NBAS: variants seen among roughly 807,000 people sequenced by gnomAD.
NBAS encodes the protein NAG/BC035112 fusion.
Under a neutral mutation model 302.5 loss-of-function variants are expected in NBAS, and 219 were observed. The ratio of observed to expected loss-of-function variants is 0.72; its 90% confidence interval spans 0.65 to 0.81. NBAS has a LOEUF of 0.81. Ranked by LOEUF, NBAS falls within the 30% of genes least tolerant of loss-of-function variation. The pLI is 0.00. For missense variants in NBAS, 2,932 were observed against 2,841.6 expected, an observed-to-expected ratio of 1.03 and a Z score of -0.72; for synonymous variants, 1,118 against 1,021.6, an observed-to-expected ratio of 1.09 and a Z score of -1.80.
chr2:15,044,956 C>T, the NBAS span, among the ~76,000 whole-genome samples: 3 of 152,172 alleles, frequency 2.0e-5, no homozygotes, highest in Admixed American at 6.5e-5. Context: ...CACACAACAA[C>T]GAAATGTCAT....
At chr2:15,350,287 AAGTT>A (rs1167569515) in intron 35 of NBAS, among the ~76,000 whole-genome samples, 3 of 152,158 alleles carry the variant, frequency 2.0e-5, no homozygotes, top group Non-Finnish European at 4.4e-5. Flanking sequence ...GCAAAAAAAA[AAGTT>A]AGTGCAGTTC....
chr2:15,347,577 T>C lies in NBAS; in HGVS notation c.4179+4415A>G, dbSNP rs145150933. ...TAATCAGTCCAGTCGTATAAATCTG[T>C]AGCCACTTAAAATGCTCATAACAAG... On this transcript the variant is annotated intron_variant, in intron 35 of 51. Coordinates refer to ENST00000281513, the MANE Select transcript of NBAS (RefSeq NM_015909.4). Among the ~76,000 whole-genome samples, 21 of 152,344 alleles carry C rather than the reference T, an allele frequency of 1.4e-4. No individual in the cohort carries two copies. In the East Asian group the frequency reaches 3.9e-3, roughly 28 times the overall value.
chr2:15,549,360 T>C (rs1000064432), intron 6 of NBAS, among the ~76,000 whole-genome samples: 1 of 152,118 alleles, frequency 6.6e-6, no homozygotes, highest in African/African-American at 2.4e-5. Context: ...CAGACTGTTG[T>C]AAGAAACCAA....
the NBAS span, among the ~76,000 whole-genome samples, chr2:14,857,246 A>G: frequency 0.031 from 4,789 of 152,254 alleles, 234 homozygotes; most frequent in African/African-American, 0.11. Flanking sequence ...TGTCCATACT[A>G]TCCAAAACAA....
At chr2:15,387,726 G>A (rs1675375982) in intron 28 of NBAS, among the ~76,000 whole-genome samples, 1 of 151,882 alleles carries the variant, frequency 6.6e-6, no homozygotes, top group South Asian at 2.1e-4. Flanking sequence ...CCACTTCCTG[G>A]GCTCAAGCGA....
the NBAS span, among the ~76,000 whole-genome samples, chr2:14,931,006 A>C: frequency 6.6e-6 from 1 of 152,242 alleles, no homozygotes; most frequent in Non-Finnish European, 1.5e-5. Context: ...TGGCTGATAC[A>C]TGAAGTTCTT....
At chr2:14,788,864 G>A in the NBAS span, among the ~76,000 whole-genome samples, 195 of 152,326 alleles carry the variant, frequency 1.3e-3, 1 homozygote, top group African/African-American at 4.5e-3. Flanking sequence ...CTTCAAAGCT[G>A]TCAGACATGG....
At chr2:14,809,633 G>T in the NBAS span, among the ~76,000 whole-genome samples, 1 of 152,212 alleles carries the variant, frequency 6.6e-6, no homozygotes, top group Non-Finnish European at 1.5e-5. Context: ...GCTAGGTAGG[G>T]CAGTGCAGAA....
the NBAS span, among the ~76,000 whole-genome samples, chr2:15,073,853 C>T: frequency 2.0e-5 from 3 of 152,144 alleles, no homozygotes; most frequent in African/African-American, 4.8e-5. Flanking sequence ...TCGTGTTAAT[C>T]GGCATTCAGG....
At chr2:15,255,321 T>G (rs749365821) in intron 44 of NBAS, among the ~76,000 whole-genome samples, 1 of 152,240 alleles carries the variant, frequency 6.6e-6, no homozygotes, top group African/African-American at 2.4e-5. Context: ...TAATTAGTGA[T>G]GTTGAACATT....
At chr2:15,439,803 G>A (rs774625203) in intron 21 of NBAS, among the ~76,000 whole-genome samples, 22 of 152,312 alleles carry the variant, frequency 1.4e-4, no homozygotes, top group South Asian at 6.2e-4. Context: ...ACTCCCACAC[G>A]AATACTGCGC....
the NBAS span, among the ~76,000 whole-genome samples, chr2:14,890,131 G>T: frequency 0.012 from 1,818 of 152,258 alleles, 40 homozygotes; most frequent in African/African-American, 0.041. Flanking sequence ...CCTACTGTTT[G>T]TAAATGCTAA....
At chr2:15,470,905 G>C (rs1011466924) in intron 16 of NBAS, among the ~76,000 whole-genome samples, 1 of 151,996 alleles carries the variant, frequency 6.6e-6, no homozygotes, top group African/African-American at 2.4e-5. Flanking sequence ...AAGCTGCAGT[G>C]AGCCGAGATC....
the NBAS span, among the ~76,000 whole-genome samples, chr2:14,896,175 G>A: frequency 2.0e-5 from 3 of 151,914 alleles, no homozygotes; most frequent in African/African-American, 7.3e-5. Context: ...AATCTCAGTA[G>A]TCCACTGGCC....
At chr2:15,385,227 C>A (rs1675229226) in intron 28 of NBAS, among the ~76,000 whole-genome samples, 1 of 152,168 alleles carries the variant, frequency 6.6e-6, no homozygotes, top group South Asian at 2.1e-4. Context: ...TACATTAACT[C>A]TTTAGCCTTC....
At chr2:15,515,476 G>T (rs926202133) in intron 9 of NBAS, among the ~76,000 whole-genome samples, 4 of 152,094 alleles carry the variant, frequency 2.6e-5, no homozygotes, top group Non-Finnish European at 5.9e-5. Context: ...AGCCAAGATC[G>T]AGCCACCACT....
Position 15,327,640 on chromosome 2 carries a change from A to G in NBAS, c.4582+110T>C, listed in dbSNP as rs970886295. ...ATGATGATGTCAAGTTATGCAATTC[A>G]AAATTACTGAAAAATTTCTTTTCCA... is the stretch of plus-strand genomic sequence containing the variant. On this transcript the variant is annotated intron_variant, in intron 38 of 51. Transcript: ENST00000281513. 2.9e-6 allele frequency: 4 copies of G among 1,362,380 alleles called. No homozygotes were observed. The Admixed American group carries it at 7.2e-5, about 25-fold the overall frequency. The allele number at this position is 1,362,380 out of a possible 1,614,324, so 84.4% of individuals were successfully genotyped here. A position where few individuals can be genotyped will look rare whatever the true frequency, so the allele number is the denominator to read the frequency against.
the NBAS span, among the ~76,000 whole-genome samples, chr2:15,126,583 C>T: frequency 6.6e-6 from 1 of 152,170 alleles, no homozygotes; most frequent in Admixed American, 6.5e-5. Context: ...AGCTGGGGTA[C>T]TGATACTCCA....
At chr2:15,069,214 T>C in the NBAS span, among the ~76,000 whole-genome samples, 3 of 152,230 alleles carry the variant, frequency 2.0e-5, no homozygotes, top group African/African-American at 7.2e-5. Flanking sequence ...CACTGTCCAA[T>C]TGGAAAAGAA....
Sources: allele counts gnomAD v4.1 joint callset (sites outside exome capture counted in the v4.1 genomes callset), GRCh38; gene constraint gnomAD v4.1.1; transcripts MANE v1.5; gene names NCBI Gene and HGNC (gene_info 2026-07-23, HGNC 2026-07-21).